The following GNAS variants were observed in gnomAD, a reference collection of about 807,000 sequenced individuals.
GNAS encodes protein ALEX.
GNAS carries 8 observed loss-of-function variants against 54.5 expected under a neutral mutation model. The observed-to-expected ratio is 0.15, with a 90% CI of 0.09 to 0.26. The LOEUF (loss-of-function observed/expected upper bound fraction) is 0.26, where lower values mean the gene tolerates loss of function less well. Among genes scored for constraint, GNAS ranks in the 10% least tolerant of loss-of-function variants. The pLI is 1.00. For missense variants in GNAS, 170 were observed against 529.8 expected (o/e 0.32, Z 6.67); for synonymous variants, 204 against 191.4 (o/e 1.07, Z -0.54).
chr20:58,841,880 A>G lies in GNAS; in HGVS notation c.43+994A>G. The G allele has an allele frequency of 8.1e-7, 1 of 1,231,460 alleles. No individual in the cohort carries two copies. The allele number at this position is 1,231,460 out of a possible 1,614,324, so 76.3% of individuals were successfully genotyped here. On this transcript the variant is annotated intron_variant, in intron 1 of 12. Transcript: ENST00000306090. This position sits in a 1 kb window ranked among gnomAD's most constrained non-coding sequence, Gnocchi z 5.0. ...GAGATCGTCGCAAGTGGAAAGGTAA[A>G]GCGGAACAAGGGACAGGCTGGAGAC...
rs1191341648 is a variant in GNAS at position 58,857,401 on chromosome 20, A to G, written c.43+16515A>G. Among the ~76,000 whole-genome samples, 1 of 152,216 alleles carries G rather than the reference A, an allele frequency of 6.6e-6. No individual in the cohort carries two copies. The highest frequency in any genetic ancestry group is 1.5e-5 in the Non-Finnish European group (1 of 68,040). ...ACAATGCACTGGTTTCCCTGCAGAC[A>G]ACTGATTTTGCCATAACAGACCCAT... On this transcript the variant is annotated intron_variant, in intron 1 of 12. Transcript: ENST00000306090. The surrounding 1 kb of genome is among the most constrained non-coding windows in gnomAD (Gnocchi z 4.1).
chr20:58,847,680 C>T (rs1392324269), intron 1 of GNAS, among the ~76,000 whole-genome samples: 5 of 152,208 alleles, frequency 3.3e-5, no homozygotes, highest in South Asian at 2.1e-4. Context: ...CCTGCAAAGC[C>T]GCAGACCAAA....
chr20:58,892,912 T>G (rs939460827), intron 1 of GNAS, among the ~76,000 whole-genome samples: 4 of 129,242 alleles, frequency 3.1e-5, no homozygotes, highest in African/African-American at 1.2e-4. Flanking sequence ...CAACACTATT[T>G]TAATAAACCA....
intron 1 of GNAS, among the ~76,000 whole-genome samples, chr20:58,874,122 C>T (rs544077357): frequency 2.6e-5 from 4 of 152,344 alleles, no homozygotes; most frequent in African/African-American, 9.6e-5. Context: ...TTGCTAGTCA[C>T]AGGATAGACC....
Position 58,841,298 on chromosome 20 carries a change from A to T in GNAS, c.43+412A>T. On this transcript the variant is annotated intron_variant, in intron 1 of 12. Transcript: ENST00000306090. The surrounding 1 kb of genome is among the most constrained non-coding windows in gnomAD (Gnocchi z 5.0). ...AATAAGTTGGCCTTCTCAGGTGTCC[A>T]AAATGTGGTTCGGAGGTGCGCGCGC... 1 of 1,069,348 alleles carries T rather than the reference A, an allele frequency of 9.4e-7. No individual in the cohort carries two copies. Among genetic ancestry groups the T allele is most frequent in the Non-Finnish European group, 1.1e-6 (1 of 881,572 alleles). 66.2% of individuals were successfully genotyped at this position (1,069,348 alleles called of 1,614,324 possible).
intron 1 of GNAS, chr20:58,851,038 C>A: frequency 2.5e-6 from 1 of 397,838 alleles, no homozygotes; most frequent in Non-Finnish European, 4.4e-6. Flanking sequence ...GTGTTGGGAC[C>A]CAGTTGGGCC....
chr20:58,892,191 C>A (rs1366161195), intron 1 of GNAS: 56 of 976,604 alleles, frequency 5.7e-5, no homozygotes, highest in Non-Finnish European at 6.4e-5. Flanking sequence ...GCGAGGCCTA[C>A]ACGACGCCAG....
chr20:58,855,035 C>T (rs1458792671), intron 1 of GNAS: 2 of 1,612,846 alleles, frequency 1.2e-6, no homozygotes, highest in Admixed American at 1.7e-5. Context: ...GATGCCTCCG[C>T]TGGTTTCAGC....
chr20:58,870,741 C>T (rs1479621447), intron 1 of GNAS, among the ~76,000 whole-genome samples: 1 of 152,150 alleles, frequency 6.6e-6, no homozygotes, highest in Non-Finnish European at 1.5e-5. Context: ...CGCACAAATC[C>T]CTCCCTTAGA....
At chr20:58,872,855 C>T (rs1447940690) in intron 1 of GNAS, among the ~76,000 whole-genome samples, 1 of 152,144 alleles carries the variant, frequency 6.6e-6, no homozygotes, top group African/African-American at 2.4e-5. Context: ...TTTCTATGTC[C>T]TGGGCTTCAT....
upstream of GNAS, chr20:58,889,613 T>A (rs1322450367): frequency 6.6e-6 from 1 of 152,344 alleles, no homozygotes; most frequent in East Asian, 1.9e-4. Context: ...TTCTTGGTGC[T>A]TTTTGGTTTC....
At chr20:58,855,359 G>C in intron 1 of GNAS, 1 of 1,551,224 alleles carries the variant, frequency 6.4e-7, no homozygotes, top group Non-Finnish European at 8.7e-7. Flanking sequence ...CTGCCTGCGG[G>C]CAGCAGGGCC....
chr20:58,844,449 C>T (rs1284396199), intron 1 of GNAS, among the ~76,000 whole-genome samples: 1 of 152,168 alleles, frequency 6.6e-6, no homozygotes, highest in African/African-American at 2.4e-5. Flanking sequence ...TTTCCTATAA[C>T]TTGATGTCCC....
intron 1 of GNAS, chr20:58,855,617 C>A (rs546520941): frequency 1.4e-6 from 1 of 717,168 alleles, no homozygotes. Context: ...GCGCCAGCAA[C>A]CGTAAGCTGG....
chr20:58,851,444 A>G (rs6015388), intron 1 of GNAS, among the ~76,000 whole-genome samples: 11,125 of 152,156 alleles, frequency 0.073, 823 homozygotes, highest in African/African-American at 0.19. Flanking sequence ...TGCAGGTCAG[A>G]TGACCCCCTG....
At position 58,891,584 on chromosome 20, in the gene GNAS, C is replaced by A; in HGVS notation, c.-143C>A. ...GCCCCGCGGCCCGCGGCCCGCAGTC[C>A]GCCCCGCGCGCTCCTTGCCGAGGAG... On this transcript the variant is annotated 5_prime_UTR_variant, in exon 1 of 13. Transcript: ENST00000371085. 3 of 971,834 alleles carry A rather than the reference C, an allele frequency of 3.1e-6. No individual in the cohort carries two copies. Among genetic ancestry groups the A allele is most frequent in the South Asian group, 4.7e-5 (1 of 21,462 alleles). The allele number at this position is 971,834 out of a possible 1,614,324, so 60.2% of individuals were successfully genotyped here.
intron 1 of GNAS, among the ~76,000 whole-genome samples, chr20:58,871,497 C>A (rs1205360426): frequency 6.6e-6 from 1 of 151,514 alleles, no homozygotes; most frequent in Non-Finnish European, 1.5e-5. Context: ...GCCTGTAATT[C>A]TAGCTACTCG....
intron 1 of GNAS, among the ~76,000 whole-genome samples, chr20:58,852,434 C>T (rs971041917): frequency 1.3e-5 from 2 of 152,240 alleles, no homozygotes; most frequent in African/African-American, 4.8e-5. Flanking sequence ...CTGTCGCATC[C>T]CTACGCGTGC....
upstream of GNAS, chr20:58,840,608 T>G: frequency 6.2e-7 from 1 of 1,609,670 alleles, no homozygotes; most frequent in Non-Finnish European, 8.5e-7. This position sits in a 1 kb window ranked among gnomAD's most constrained non-coding sequence, Gnocchi z 6.0. Context: ...CGCTCTCAAG[T>G]TGCGAAGCCC....
Sources: allele counts gnomAD v4.1 joint callset (sites outside exome capture counted in the v4.1 genomes callset), GRCh38; gene constraint gnomAD v4.1.1; non-coding constraint Gnocchi (gnomAD v3.1); transcripts MANE v1.5; gene names NCBI Gene and HGNC (gene_info 2026-07-23, HGNC 2026-07-21).